CCDC148: variants seen among roughly 807,000 people sequenced by gnomAD.
The protein encoded by CCDC148 is coiled-coil domain containing 148.
Under a neutral mutation model 85.7 loss-of-function variants are expected in CCDC148, and 89 were observed. That is an observed-to-expected ratio of 1.04 (90% CI 0.87 to 1.24). The LOEUF is 1.24. Ranked by LOEUF, CCDC148 falls within the 50% of genes most tolerant of loss-of-function variation. CCDC148 has a pLI of 0.00. For missense variants in CCDC148, 692 were observed against 671.7 expected (o/e 1.03, Z -0.33); for synonymous variants, 230 against 213.9 (o/e 1.08, Z -0.66).
intron 1 of CCDC148, among the ~76,000 whole-genome samples, chr2:158,382,204 C>T (rs547293422): frequency 1.3e-5 from 2 of 152,156 alleles, no homozygotes; most frequent in East Asian, 1.9e-4. Context: ...CCTCCAGAAC[C>T]GTAAGCAATC....
chr2:158,272,880 A>C (rs1230716298), intron 9 of CCDC148, among the ~76,000 whole-genome samples: 1 of 152,212 alleles, frequency 6.6e-6, no homozygotes, highest in African/African-American at 2.4e-5. Flanking sequence ...GAGGTGATGG[A>C]TATATTAATT....
intron 1 of CCDC148, among the ~76,000 whole-genome samples, chr2:158,438,681 A>T (rs969975357): frequency 3.3e-5 from 5 of 152,204 alleles, no homozygotes; most frequent in African/African-American, 9.7e-5. Flanking sequence ...CATCAGAGTG[A>T]ACAGGCAACC....
chr2:158,394,739 A>G (rs896922550), intron 1 of CCDC148, among the ~76,000 whole-genome samples: 1 of 151,966 alleles, frequency 6.6e-6, no homozygotes, highest in East Asian at 1.9e-4. Context: ...CATACCCTCA[A>G]TAGGGCCTCT....
chr2:158,376,373 C>T (rs1178116984), intron 1 of CCDC148, among the ~76,000 whole-genome samples: 4 of 151,926 alleles, frequency 2.6e-5, no homozygotes, highest in Non-Finnish European at 5.9e-5. Context: ...TACAATACTC[C>T]AGAATAGTTT....
At chr2:158,278,712 A>G (rs891388693) in intron 9 of CCDC148, among the ~76,000 whole-genome samples, 2 of 152,262 alleles carry the variant, frequency 1.3e-5, no homozygotes, top group Non-Finnish European at 2.9e-5. Flanking sequence ...ACAGACAAAC[A>G]AAAAGACAGC....
intron 10 of CCDC148, among the ~76,000 whole-genome samples, chr2:158,246,951 T>A (rs1189827694): frequency 1.3e-5 from 2 of 152,186 alleles, no homozygotes; most frequent in Non-Finnish European, 2.9e-5. Context: ...CCTGTAGAGA[T>A]GCTCTTGCTA....
chr2:158,381,381 C>A (rs1684862923), intron 1 of CCDC148, among the ~76,000 whole-genome samples: 1 of 152,102 alleles, frequency 6.6e-6, no homozygotes, highest in Non-Finnish European at 1.5e-5. Flanking sequence ...TCAACTTTAT[C>A]CATTAGCAAA....
intron 1 of CCDC148, among the ~76,000 whole-genome samples, chr2:158,406,912 C>T (rs1419449027): frequency 6.6e-6 from 1 of 152,036 alleles, no homozygotes; most frequent in Non-Finnish European, 1.5e-5. Context: ...TGTGAGCCAC[C>T]ACGCTCAGCC....
At chr2:158,251,411 A>C (rs1021796614) in intron 9 of CCDC148, among the ~76,000 whole-genome samples, 10 of 151,876 alleles carry the variant, frequency 6.6e-5, no homozygotes, top group Non-Finnish European at 1.3e-4. Context: ...GGGTACTGGT[A>C]TGTGTTATTG....
chr2:158,225,396 C>G (rs924195823), intron 10 of CCDC148, among the ~76,000 whole-genome samples: 3 of 152,014 alleles, frequency 2.0e-5, no homozygotes, highest in Non-Finnish European at 4.4e-5. Context: ...GACAGATCAA[C>G]GAGACAGAAA....
chr2:158,443,515 A>AAAAAAAAAAAAAAGAAAAG (rs1553524474), intron 1 of CCDC148, among the ~76,000 whole-genome samples: 1,776 of 100,572 alleles, frequency 0.018, no homozygotes, highest in Middle Eastern at 0.029. Context: ...AAAAAAAAAA[A>AAAAAAAAAAAAAAGAAAAG]AAAAAAAAGA....
chr2:158,191,066 T>C (rs901564402), intron 11 of CCDC148, among the ~76,000 whole-genome samples: 3 of 152,056 alleles, frequency 2.0e-5, no homozygotes, highest in Admixed American at 1.3e-4. Flanking sequence ...CTGATTTTAA[T>C]TGGTCCTCGT....
intron 1 of CCDC148, among the ~76,000 whole-genome samples, chr2:158,388,577 C>T (rs971439682): frequency 2.6e-5 from 4 of 152,304 alleles, no homozygotes; most frequent in Admixed American, 6.5e-5. Context: ...TCACTGCAAC[C>T]TCCACCTCCT....
intron 10 of CCDC148, among the ~76,000 whole-genome samples, chr2:158,246,701 T>C (rs1342191803): frequency 6.6e-6 from 1 of 152,188 alleles, no homozygotes; most frequent in Admixed American, 6.5e-5. Context: ...ACATAGGACT[T>C]GTCCAGATAC....
At chr2:158,422,396 G>C (rs1218420328) in intron 1 of CCDC148, among the ~76,000 whole-genome samples, 2 of 152,034 alleles carry the variant, frequency 1.3e-5, no homozygotes, top group African/African-American at 4.8e-5. Context: ...ATGATCAAGT[G>C]GGCTTCATCC....
intron 7 of CCDC148, among the ~76,000 whole-genome samples, chr2:158,330,535 G>C (rs1475339338): frequency 1.3e-5 from 2 of 152,196 alleles, no homozygotes; most frequent in Non-Finnish European, 2.9e-5. Flanking sequence ...AATGAGTTAG[G>C]GAGGATTCCC....
At chr2:158,324,332 T>A (rs1236623151) in intron 7 of CCDC148, among the ~76,000 whole-genome samples, 1 of 152,194 alleles carries the variant, frequency 6.6e-6, no homozygotes, top group Admixed American at 6.6e-5. Context: ...CCATGTTCTA[T>A]AAACTATTTT....
intron 1 of CCDC148, among the ~76,000 whole-genome samples, chr2:158,427,419 A>T (rs1687125997): frequency 6.6e-6 from 1 of 152,226 alleles, no homozygotes. Context: ...ATTATAAACA[A>T]AGTATGTATT....
intron 11 of CCDC148, among the ~76,000 whole-genome samples, chr2:158,204,658 A>G (rs1686143570): frequency 6.6e-6 from 1 of 152,138 alleles, no homozygotes; most frequent in East Asian, 1.9e-4. Flanking sequence ...CAAGTCCTCC[A>G]AGCTCAAACT....
Sources: allele counts gnomAD v4.1 joint callset (sites outside exome capture counted in the v4.1 genomes callset), GRCh38; gene constraint gnomAD v4.1.1; transcripts MANE v1.5; gene names NCBI Gene and HGNC (gene_info 2026-07-23, HGNC 2026-07-21).